The following CDC14B variants were observed in gnomAD, a reference collection of about 807,000 sequenced individuals.
CDC14B encodes the protein dual specificity protein phosphatase CDC14B.
CDC14B carries 22 observed loss-of-function variants against 64.2 expected under a neutral mutation model. The observed-to-expected ratio is 0.34, with a 90% CI of 0.24 to 0.49. The LOEUF (loss-of-function observed/expected upper bound fraction) is 0.49, where lower values mean the gene tolerates loss of function less well. Ranked by LOEUF, CDC14B falls within the 20% of genes least tolerant of loss-of-function variation. The pLI, the probability that CDC14B is intolerant of heterozygous loss-of-function variation, is 0.99. For synonymous variants in CDC14B, 191 were observed against 215.8 expected, an observed-to-expected ratio of 0.89 and a Z score of 1.01; for missense variants, 498 against 629.9, an observed-to-expected ratio of 0.79 and a Z score of 2.24.
At chr9:96,537,318 A>G (rs1405885453) in intron 7 of CDC14B, among the ~76,000 whole-genome samples, 1 of 152,158 alleles carries the variant, frequency 6.6e-6, no homozygotes, top group African/African-American at 2.4e-5. Flanking sequence ...ATAAAATAAA[A>G]TAAAACTGTT....
chr9:96,516,641 G>T (rs7861042), intron 12 of CDC14B, among the ~76,000 whole-genome samples: 8 of 151,838 alleles, frequency 5.3e-5, no homozygotes, highest in African/African-American at 1.9e-4. Flanking sequence ...CACCACGCCC[G>T]GCTAAGTACT....
downstream of CDC14B, among the ~76,000 whole-genome samples, chr9:96,495,449 C>G (rs544239878): frequency 2.2e-3 from 313 of 142,812 alleles, no homozygotes; most frequent in South Asian, 7.2e-3. Context: ...TTCAGTGTGC[C>G]TGGCACTCCC....
At chr9:96,490,977 G>T (rs1564172484) in exon 14 of CDC14B, 1 of 152,268 alleles carries the variant, frequency 6.6e-6, no homozygotes, top group Non-Finnish European at 1.5e-5. Flanking sequence ...TTTGGTGAAA[G>T]TTTGGGGTTG....
At chr9:96,556,343 T>TAA (rs567423465) in intron 4 of CDC14B, among the ~76,000 whole-genome samples, 2 of 147,168 alleles carry the variant, frequency 1.4e-5, no homozygotes, top group Admixed American at 1.4e-4. Context: ...GATTGATTAT[T>TAA]AAAAAAAAAA....
intron 1 of CDC14B, among the ~76,000 whole-genome samples, chr9:96,569,091 A>G (rs2117937306): frequency 1.3e-5 from 2 of 152,338 alleles, no homozygotes; most frequent in South Asian, 4.1e-4. Flanking sequence ...ATGCCTTCAT[A>G]GTCGGTGTCT....
At chr9:96,505,686 G>C (rs1004627409) in intron 13 of CDC14B, among the ~76,000 whole-genome samples, 1 of 152,206 alleles carries the variant, frequency 6.6e-6, no homozygotes, top group South Asian at 2.1e-4. Context: ...GTGGGAGGTA[G>C]AGAAGCCCAC....
chr9:96,534,105 A>G lies in CDC14B; in HGVS notation c.768T>C (p.Asn256=), dbSNP rs1000000019. Residue 256 remains asparagine (N), a synonymous_variant, in exon 9 of 14, where the codon AAT becomes AAC. Transcript: ENST00000375241. Reference sequence around the variant, plus strand: ...TATTCAGACGAATAATGGTAGTAACATTGTGATTCTTAAAATATTGAATAT... The same window carrying G: ...TATTCAGACGAATAATGGTAGTAACGTTGTGATTCTTAAAATATTGAATAT... The part of the protein sequence containing the change: ...ETYIQYFKNH[N]VTTIIRLNKR... 92 of 1,611,396 alleles carry G rather than the reference A, an allele frequency of 5.7e-5. No individual in the cohort carries two copies. Among genetic ancestry groups the G allele is most frequent in the Non-Finnish European group, 7.2e-5 (85 of 1,178,188 alleles).
intron 4 of CDC14B, among the ~76,000 whole-genome samples, chr9:96,555,342 G>C (rs1842366326): frequency 6.6e-6 from 1 of 152,210 alleles, no homozygotes; most frequent in African/African-American, 2.4e-5. Flanking sequence ...TGGTATGGAA[G>C]AGAGGCCTCC....
intron 2 of CDC14B, among the ~76,000 whole-genome samples, 170 bp downstream of exon 2, chr9:96,565,223 G>A (rs1193347741): frequency 7.1e-6 from 1 of 141,496 alleles, no homozygotes; most frequent in Non-Finnish European, 1.6e-5. Context: ...ATTTAGGGAG[G>A]TTTTTTTTTT....
intron 1 of CDC14B, among the ~76,000 whole-genome samples, chr9:96,601,939 A>T (rs907722750): frequency 1.4e-5 from 2 of 147,024 alleles, no homozygotes; most frequent in African/African-American, 5.1e-5. Flanking sequence ...GGTGCCTGTA[A>T]CCCCAGCTAC....
At chr9:96,599,365 G>A (rs1362897442) in intron 1 of CDC14B, among the ~76,000 whole-genome samples, 3 of 150,312 alleles carry the variant, frequency 2.0e-5, no homozygotes, top group Non-Finnish European at 4.4e-5. Flanking sequence ...TGGGCAACAA[G>A]AGTGAAACTC....
intron 1 of CDC14B, among the ~76,000 whole-genome samples, chr9:96,601,829 G>A (rs1372098413): frequency 7.0e-6 from 1 of 142,222 alleles, no homozygotes; most frequent in African/African-American, 2.7e-5. Context: ...GGAGGCCGAG[G>A]TGGGCTGATC....
chr9:96,521,989 C>A (rs189555097), intron 12 of CDC14B, among the ~76,000 whole-genome samples: 5 of 152,320 alleles, frequency 3.3e-5, no homozygotes, highest in Admixed American at 3.3e-4. Context: ...AGTACTACAA[C>A]ATTTCCTATT....
chr9:96,598,064 G>A (rs73656910), intron 1 of CDC14B, among the ~76,000 whole-genome samples: 2,185 of 152,128 alleles, frequency 0.014, 41 homozygotes, highest in African/African-American at 0.049. Context: ...TCAAGTATAA[G>A]CAAATCAAAA....
rs1835501513 is a variant in CDC14B, at chr9:96,515,446, A to ACTT, written c.1344-5658_1344-5657insAAG. Among the ~76,000 whole-genome samples the ACTT allele has an allele frequency of 6.6e-6, 1 of 152,248 alleles. No individual in the cohort carries two copies. Among genetic ancestry groups the ACTT allele is most frequent in the East Asian group, 1.9e-4 (1 of 5,202 alleles). On this transcript the variant is annotated intron_variant, in intron 12 of 13. Transcript: ENST00000375241. The surrounding 1 kb of genome is among the most constrained non-coding windows in gnomAD (Gnocchi z 4.3). Reference sequence around the variant, plus strand: ...CTTTAAAACAACGTATGTTACTTTCAATATCCTTTCTATGAGAGGAACAGT... The same window carrying ACTT: ...CTTTAAAACAACGTATGTTACTTTCACTTATATCCTTTCTATGAGAGGAACAGT...
intron 4 of CDC14B, among the ~76,000 whole-genome samples, chr9:96,561,664 T>C (rs1414492378): frequency 1.3e-5 from 2 of 151,608 alleles, no homozygotes; most frequent in East Asian, 3.9e-4. Context: ...ATTTTTTTTT[T>C]TTTTAGTAGA....
intron 4 of CDC14B, among the ~76,000 whole-genome samples, chr9:96,552,175 T>C (rs998663194): frequency 6.6e-6 from 1 of 152,206 alleles, no homozygotes; most frequent in Non-Finnish European, 1.5e-5. Flanking sequence ...ACTGATCCCA[T>C]GCTTTTACCT....
At chr9:96,522,691 C>T in intron 11 of CDC14B, 88 bp from the exon 12 acceptor site, 2 of 836,520 alleles carry the variant, frequency 2.4e-6, no homozygotes, top group Non-Finnish European at 4.1e-6. Flanking sequence ...CACATGAACA[C>T]AGTCCAAGTT....
intron 5 of CDC14B, among the ~76,000 whole-genome samples, chr9:96,543,604 C>T (rs1450381109): frequency 1.3e-5 from 2 of 152,160 alleles, no homozygotes; most frequent in Non-Finnish European, 2.9e-5. Flanking sequence ...ATACAAATCT[C>T]TTAATATCAA....
Sources: allele counts gnomAD v4.1 joint callset (sites outside exome capture counted in the v4.1 genomes callset), GRCh38; gene constraint gnomAD v4.1.1; non-coding constraint Gnocchi (gnomAD v3.1); transcripts MANE v1.5; gene names NCBI Gene and HGNC (gene_info 2026-07-23, HGNC 2026-07-21).